Variants in FASN observed in about 807,000 individuals in gnomAD.
FASN encodes the protein 3-hydroxyacyl-[acyl-carrier-protein] dehydratase.
In FASN, 50 loss-of-function variants were observed where a neutral mutation model predicts 250.0. The ratio of observed to expected loss-of-function variants is 0.20; its 90% CI spans 0.16 to 0.25. The LOEUF (loss-of-function observed/expected upper bound fraction) is 0.25. FASN is among the 10% of genes least tolerant of loss of function. FASN has a pLI of 1.00. For synonymous variants in FASN, 1,909 were observed against 1,584.0 expected, an observed-to-expected ratio of 1.21 and a Z score of -4.87; for missense variants, 3,031 against 3,498.5, an observed-to-expected ratio of 0.87 and a Z score of 3.37.
chr17:82,091,090 C>T (rs746006068), intron 9 of FASN, 21 bp from the exon 10 acceptor site: 30 of 1,608,076 alleles, frequency 1.9e-5, no homozygotes, highest in South Asian at 3.3e-5. Context: ...GAGCACGTCA[C>T]GAGGCTCAGC....
chr17:82,090,697 C>A, intron 10 of FASN, 133 bp from the exon 11 acceptor site: 1 of 1,034,686 alleles, frequency 9.7e-7, no homozygotes. Context: ...AGGAAAGAAG[C>A]CCCTATGGCC....
chr17:82,088,884 C>CG lies in FASN; in HGVS notation c.2305-9dup. The CG allele has an allele frequency of 1.2e-6, 2 of 1,611,692 alleles. No individual in the cohort carries two copies. Among genetic ancestry groups the CG allele is most frequent in the Non-Finnish European group, 1.7e-6 (2 of 1,179,128 alleles). ...GCCACGCTTCAGGACAGCCTGGGGG[C>CG]GGCAGGGCAGGTGGGCTCTCTTGGT... On this transcript the variant is annotated splice_polypyrimidine_tract_variant and intron_variant, in intron 14 of 42. Coordinates refer to ENST00000306749, the MANE Select transcript of FASN (RefSeq NM_004104.5).
At chr17:82,086,746 G>A (rs1256517396) in intron 21 of FASN, among the ~76,000 whole-genome samples, 188 bp from the exon 22 acceptor site, 1 of 152,250 alleles carries the variant, frequency 6.6e-6, no homozygotes, top group Non-Finnish European at 1.5e-5. Context: ...TGTGGACGCA[G>A]TGAGGGGCCG....
chr17:82,083,036 G>C lies in FASN; in HGVS notation c.5645C>G (p.Pro1882Arg), dbSNP rs781081288. 2 of 1,612,796 alleles carry C rather than the reference G, an allele frequency of 1.2e-6. No homozygotes were observed. The highest frequency in any genetic ancestry group is 1.1e-5 in the South Asian group (1 of 91,074). ...AGCGATGATGTAGCTCTTGTGGGCC[G>C]GGCAGAAGGTCTTGGAGATGGCCGA... ...LMSAISKTFC[P>R]AHKSYIIAGG... Residue 1882 changes from proline (P) to arginine (R), a missense_variant, in exon 33 of 43, where the codon CCG (proline) becomes CGG (arginine). Transcript: ENST00000306749.
In FASN at chr17:82,078,894, C is replaced by T. The variant is rs1250824241; in HGVS notation, c.*249G>A. The T allele has an allele frequency of 1.4e-5, 8 of 584,874 alleles. No homozygotes were observed. The highest frequency in any genetic ancestry group is 6.0e-5 in the South Asian group (3 of 50,282). 36.2% of individuals were successfully genotyped at this position (584,874 alleles called of 1,614,324 possible). ...AGGCCCAGCCCAGTTCCTGCGGGCA[C>T]GGGCACCACCGGCTCTTCACAGACC... On this transcript the variant is annotated 3_prime_UTR_variant, in exon 43 of 43. Transcript: ENST00000306749. This position sits in a 1 kb window ranked among gnomAD's most constrained non-coding sequence, Gnocchi z 5.4.
Position 82,088,254 on chromosome 17 carries a change from G to A in FASN, c.2647C>T (p.Arg883Cys), listed in dbSNP as rs755023451. 1.2e-6 allele frequency: 2 copies of A among 1,606,850 alleles called. No individual in the cohort carries two copies. Among genetic ancestry groups the A allele is most frequent in the Admixed American group, 1.7e-5 (1 of 60,014 alleles). The change falls in exon 17 of 43, where the codon CGC (arginine) becomes TGC (cysteine). Residue 883 changes from arginine to cysteine, a missense_variant. Transcript: ENST00000306749. ...HYLVDHTLDG[R>C]VLFPATGYLS... ...TAGCCAGTGGCGGGGAAGAGGACGC[G>A]ACCGTCGAGGGTGTGGTCCACCAGG...
At chr17:82,094,983 G>T (rs1025614067) in intron 3 of FASN, among the ~76,000 whole-genome samples, 3 of 151,206 alleles carry the variant, frequency 2.0e-5, no homozygotes, top group African/African-American at 7.3e-5. Context: ...CTTGGCTGGT[G>T]GGGGTGGGGG....
At position 82,098,117 on chromosome 17, in the gene FASN, G is replaced by A; in HGVS notation, c.-8+4C>T. On this transcript the variant is annotated splice_donor_region_variant and intron_variant, in intron 1 of 42. Transcript: ENST00000306749. ...GCCCCGGCCCCAGCGCCGGCTGCTC[G>A]TACCTGGTGAGGGCGCGGGCGGCGG... 2.9e-6 allele frequency: 1 copy of A among 341,364 alleles called. No homozygotes were observed. The highest frequency in any genetic ancestry group is 5.3e-6 in the Non-Finnish European group (1 of 188,592). The allele number at this position is 341,364 out of a possible 1,614,324, so 21.1% of individuals were successfully genotyped here. A position where few individuals can be genotyped will look rare whatever the true frequency, so the allele number is the denominator to read the frequency against.
intron 3 of FASN, among the ~76,000 whole-genome samples, chr17:82,094,584 A>C (rs2034272148): frequency 1.3e-5 from 2 of 151,850 alleles, no homozygotes; most frequent in Non-Finnish European, 2.9e-5. Context: ...AGGTCAAGAG[A>C]TCGAGACCAT....
In FASN at chr17:82,089,165, C is replaced by T. The variant is rs145694238; in HGVS notation, c.2108G>A (p.Arg703Gln). The change falls in exon 14 of 43, where the codon CGG becomes CAG. Residue 703 changes from arginine (R) to glutamine (Q), a missense_variant. Coordinates refer to ENST00000306749, the MANE Select transcript of FASN (RefSeq NM_004104.5). ...GCGGGCTGAACGTGGCTTCGGCTCC[C>T]GGATCACCTGCATGAGGGGCCAGGT... ...PLLQELKKVIREPKPRSARWL... is the reference protein window; with the variant it reads ...PLLQELKKVIQEPKPRSARWL... 1.5e-5 allele frequency: 23 copies of T among 1,578,402 alleles called. No individual in the cohort carries two copies. The highest frequency in any genetic ancestry group is 1.7e-4 in the Middle Eastern group (1 of 6,050).
At position 82,091,466 on chromosome 17, in the gene FASN, T is replaced by C. The variant is rs1003453855; in HGVS notation, c.1248A>G (p.Pro416=). 2.6e-5 allele frequency: 41 copies of C among 1,605,288 alleles called. No individual in the cohort carries two copies. Among genetic ancestry groups the C allele is most frequent in the Non-Finnish European group, 3.3e-5 (39 of 1,176,848 alleles). ...PNTQPPPAPA[P]HATLPRLLRA... is the part of the protein sequence containing the mutation. ...GCAGCAGACGGGGCAGGGTGGCATG[T>C]GGGGCGGGTGCGGGGGGCGGCTGCG... Residue 416 remains proline (P), a synonymous_variant, in exon 9 of 43, where the codon CCA becomes CCG. Transcript: ENST00000306749.
rs2033961878 is a variant in FASN, at chr17:82,080,183, A to G, written c.7103T>C (p.Ile2368Thr). The stretch of plus-strand genomic sequence containing the variant: ...CGTGAACTGCTGCACGAAGAAGCAT[A>G]TGGCCTCCGTCTCAGCCTCAGCCTC... The part of the protein sequence containing the change: ...GCEAEAETEA[I>T]CFFVQQFTDM... Residue 2368 changes from isoleucine to threonine, a missense_variant, in exon 41 of 43, where the codon ATA becomes ACA. Coordinates refer to ENST00000306749, the MANE Select transcript of FASN (RefSeq NM_004104.5). 1 of 1,613,186 alleles carries G rather than the reference A, an allele frequency of 6.2e-7. No individual in the cohort carries two copies. Among genetic ancestry groups the G allele is most frequent in the Non-Finnish European group, 8.5e-7 (1 of 1,180,008 alleles).
chr17:82,081,854 G>C lies in FASN; in HGVS notation c.6164-11C>G, dbSNP rs746216115. The C allele has an allele frequency of 1.9e-6, 3 of 1,594,874 alleles. No homozygotes were observed. Among genetic ancestry groups the C allele is most frequent in the Non-Finnish European group, 1.7e-6 (2 of 1,173,834 alleles). Reference sequence around the variant, plus strand: ...ACTGCACGGCCAGGCCTGTGGGGGAGGGGGCAGGTGGGCAGAGCTGCGGGG... The same window carrying C: ...ACTGCACGGCCAGGCCTGTGGGGGACGGGGCAGGTGGGCAGAGCTGCGGGG... On this transcript the variant is annotated splice_polypyrimidine_tract_variant and intron_variant, in intron 36 of 42. Coordinates refer to ENST00000306749, the MANE Select transcript of FASN (RefSeq NM_004104.5).
chr17:82,093,324 T>G lies in FASN; in HGVS notation c.550A>C (p.Ile184Leu). The G allele has an allele frequency of 6.2e-7, 1 of 1,601,466 alleles. No individual in the cohort carries two copies. Among genetic ancestry groups the G allele is most frequent in the Admixed American group, 1.7e-5 (1 of 58,134 alleles). The change falls in exon 5 of 43, where the codon ATC becomes CTC. Residue 184 changes from isoleucine to leucine, a missense_variant. Coordinates refer to ENST00000306749, the MANE Select transcript of FASN (RefSeq NM_004104.5). ...AIHSGQCPAA[I>L]VGGINVLLKP... ...AGCAGGACATTGATGCCCCCCACGA[T>G]GGCGGCAGGGCACTGCCCGCTGTGG...
At chr17:82,092,245 G>A (rs72863344) in intron 8 of FASN, among the ~76,000 whole-genome samples, 10,004 of 152,288 alleles carry the variant, frequency 0.066, 499 homozygotes, top group Non-Finnish European at 0.1. Context: ...AGGCCTCCAG[G>A]GAAGGCCCAG....
Position 82,093,000 on chromosome 17 carries a change from C to T in FASN, c.675G>A (p.Ser225=), listed in dbSNP as rs556170196. ...TCAGCAGGACGGCCACCACACCCTCCGAGCGGCAGTACCCATTCCCTGGGT... is the reference window on the plus strand; with the variant it reads ...TCAGCAGGACGGCCACCACACCCTCTGAGCGGCAGTACCCATTCCCTGGGT... The part of the protein sequence containing the change: ...FDTAGNGYCR[S]EGVVAVLLTK... Residue 225 remains serine (S), a synonymous_variant, in exon 6 of 43, where the codon TCG becomes TCA. Transcript: ENST00000306749. The T allele has an allele frequency of 1.8e-5, 29 of 1,612,210 alleles. No individual in the cohort carries two copies. Among genetic ancestry groups the T allele is most frequent in the South Asian group, 3.3e-5 (3 of 91,024 alleles).
intron 7 of FASN, 42 bp from the exon 8 acceptor site, chr17:82,092,631 C>T (rs2034230965): frequency 6.3e-7 from 1 of 1,599,950 alleles, no homozygotes; most frequent in Non-Finnish European, 8.5e-7. Flanking sequence ...GCCAGGTCAC[C>T]TCTCCAGGCA....
chr17:82,088,806 T>C lies in FASN; in HGVS notation c.2375A>G (p.Asn792Ser), dbSNP rs1383325394. 1 of 1,612,550 alleles carries C rather than the reference T, an allele frequency of 6.2e-7. No individual in the cohort carries two copies. The change falls in exon 15 of 43, where the codon AAC becomes AGC. Residue 792 changes from asparagine to serine, a missense_variant. Asn to Ser is a conservative substitution (Grantham distance 46). Coordinates refer to ENST00000306749, the MANE Select transcript of FASN (RefSeq NM_004104.5). ...GATGCCGGCCAGGAAGAACTCCAGG[T>C]TGTCCCTGTGATCCTTCTTCATCAG... ...IPLMKKDHRD[N>S]LEFFLAGIGR...
chr17:82,080,957 G>A, intron 38 of FASN, 35 bp from the exon 39 acceptor site: 1 of 1,556,814 alleles, frequency 6.4e-7, no homozygotes. Flanking sequence ...GGCTGGTCTG[G>A]GTGCAGAGCC....
Sources: allele counts gnomAD v4.1 joint callset (sites outside exome capture counted in the v4.1 genomes callset), GRCh38; gene constraint gnomAD v4.1.1; non-coding constraint Gnocchi (gnomAD v3.1); transcripts MANE v1.5; gene names NCBI Gene and HGNC (gene_info 2026-07-23, HGNC 2026-07-21).